The following EYS variants were observed in gnomAD, a reference collection of about 807,000 sequenced individuals.
EYS encodes EGF-like photoreceptor maintenance factor.
EYS carries 250 observed loss-of-function variants against 282.1 expected under a neutral mutation model. The observed-to-expected ratio is 0.89, with a 90% CI of 0.80 to 0.98. EYS has a LOEUF of 0.98. EYS is among the 50% of genes least tolerant of loss of function. The pLI is 0.00. For missense variants in EYS, 4,016 were observed against 3,709.0 expected, an observed-to-expected ratio of 1.08 and a Z score of -2.15; for synonymous variants, 1,355 against 1,282.9, an observed-to-expected ratio of 1.06 and a Z score of -1.20.
At chr6:65,108,907 C>T (rs1008702644) in intron 12 of EYS, among the ~76,000 whole-genome samples, 1 of 151,942 alleles carries the variant, frequency 6.6e-6, no homozygotes, top group African/African-American at 2.4e-5. Context: ...TGTTCTTCAC[C>T]TTGGGTGAAC....
At chr6:65,420,314 T>C (rs189683241) in intron 5 of EYS, among the ~76,000 whole-genome samples, 5 of 152,140 alleles carry the variant, frequency 3.3e-5, no homozygotes. Flanking sequence ...GTTCACAGCA[T>C]CCTCACCAGG....
In EYS at chr6:64,703,239, A is replaced by G. The variant is rs142763720; in HGVS notation, c.3444-76994T>C. Among the ~76,000 whole-genome samples, 827 of 151,738 alleles carry G rather than the reference A, an allele frequency of 5.5e-3. 4 individuals are homozygous for G. Among genetic ancestry groups the G allele is most frequent in the Non-Finnish European group, 7.3e-3 (493 of 67,908 alleles). On this transcript the variant is annotated intron_variant, in intron 22 of 42. Coordinates refer to ENST00000503581, the MANE Select transcript of EYS (RefSeq NM_001142800.2). Reference sequence around the variant, plus strand: ...CCTTGTCTAATTGATGGTGATACATATAAACATAGCTAAATGTTATCTTAT... The same window carrying G: ...CCTTGTCTAATTGATGGTGATACATGTAAACATAGCTAAATGTTATCTTAT...
chr6:65,293,124 C>A (rs1050692523), intron 12 of EYS, among the ~76,000 whole-genome samples: 19 of 151,248 alleles, frequency 1.3e-4, no homozygotes, highest in African/African-American at 4.4e-4. Context: ...TCAAGACAAT[C>A]ATAAGAAAAG....
intron 31 of EYS, among the ~76,000 whole-genome samples, chr6:64,150,736 C>G (rs1774674207): frequency 6.6e-6 from 1 of 152,076 alleles, no homozygotes; most frequent in African/African-American, 2.4e-5. Flanking sequence ...TAGCTCATGC[C>G]TATAACATCA....
intron 22 of EYS, among the ~76,000 whole-genome samples, chr6:64,632,317 A>AT (rs11415052): frequency 0.95 from 144,668 of 152,120 alleles, 69,195 homozygotes; most frequent in East Asian, 1. Context: ...GCAAAAAATT[A>AT]AAGTATATAT....
At chr6:65,550,143 C>CTTTCTTTTTTTTTTTTTTTTTTTTT (rs1562254227) in intron 2 of EYS, among the ~76,000 whole-genome samples, 1 of 5,956 alleles carries the variant, frequency 1.7e-4, no homozygotes, top group Non-Finnish European at 2.5e-4. Context: ...TCTACTATAT[C>CTTTCTTTTTTTTTTTTTTTTTTTTT]TTTTTTTTTT....
chr6:64,230,294 C>T (rs1252333853), intron 31 of EYS, among the ~76,000 whole-genome samples: 2 of 152,032 alleles, frequency 1.3e-5, no homozygotes, highest in African/African-American at 4.8e-5. Context: ...AGGAAAGATT[C>T]ACCATAATTT....
At chr6:65,406,634 C>G (rs1406488639) in intron 5 of EYS, among the ~76,000 whole-genome samples, 1 of 152,034 alleles carries the variant, frequency 6.6e-6, no homozygotes, top group African/African-American at 2.4e-5. Flanking sequence ...TTCACATATA[C>G]ACATACAATT....
intron 2 of EYS, among the ~76,000 whole-genome samples, chr6:65,523,568 C>T (rs1045361430): frequency 6.6e-6 from 1 of 152,036 alleles, no homozygotes; most frequent in Admixed American, 6.6e-5. Flanking sequence ...CACAAAGTTG[C>T]AGCTATGTAG....
intron 12 of EYS, among the ~76,000 whole-genome samples, chr6:65,282,639 T>G (rs1041644743): frequency 6.6e-6 from 1 of 151,964 alleles, no homozygotes; most frequent in East Asian, 1.9e-4. Flanking sequence ...TTCCATACTT[T>G]CTGGGGCCGA....
At chr6:65,486,299 T>A (rs1765780649) in intron 5 of EYS, among the ~76,000 whole-genome samples, 1 of 152,206 alleles carries the variant, frequency 6.6e-6, no homozygotes, top group Non-Finnish European at 1.5e-5. Flanking sequence ...TAATGTGCTT[T>A]TTTTCTTGCT....
chr6:64,598,429 C>T (rs536719651), intron 24 of EYS, among the ~76,000 whole-genome samples: 58 of 152,330 alleles, frequency 3.8e-4, no homozygotes, highest in Admixed American at 3.1e-3. Context: ...CCACTGCACT[C>T]CAGGCTGGGC....
intron 29 of EYS, among the ~76,000 whole-genome samples, chr6:64,386,501 C>T (rs1251857939): frequency 6.6e-6 from 1 of 152,082 alleles, no homozygotes; most frequent in East Asian, 1.9e-4. Context: ...ACAGAACTAC[C>T]CTCATGATTC....
At chr6:65,692,239 G>A (rs1207704582) in intron 1 of EYS, among the ~76,000 whole-genome samples, 2 of 150,056 alleles carry the variant, frequency 1.3e-5, no homozygotes, top group African/African-American at 4.9e-5. Context: ...ATAGAGCGTG[G>A]AATAATAGGC....
chr6:64,873,123 T>A (rs1766644855), intron 19 of EYS, among the ~76,000 whole-genome samples: 1 of 151,832 alleles, frequency 6.6e-6, no homozygotes, highest in Admixed American at 6.6e-5. Flanking sequence ...AGGTAAGAGG[T>A]TTATAGGACT....
intron 28 of EYS, among the ~76,000 whole-genome samples, chr6:64,415,469 G>A (rs1402255427): frequency 6.6e-6 from 1 of 152,080 alleles, no homozygotes; most frequent in Non-Finnish European, 1.5e-5. Context: ...TGTCATCATG[G>A]TTTACATTCT....
intron 22 of EYS, among the ~76,000 whole-genome samples, chr6:64,667,685 A>G (rs1176049719): frequency 3.9e-5 from 6 of 152,132 alleles, no homozygotes; most frequent in Non-Finnish European, 7.3e-5. Context: ...TCCAGCACCC[A>G]TAAAACATTA....
At chr6:65,079,486 C>T (rs759275265) in intron 12 of EYS, among the ~76,000 whole-genome samples, 4 of 151,656 alleles carry the variant, frequency 2.6e-5, no homozygotes, top group Non-Finnish European at 5.9e-5. Context: ...AATTAAGATG[C>T]CCTGTAAATA....
intron 40 of EYS, among the ~76,000 whole-genome samples, chr6:63,776,243 T>A (rs1014158088): frequency 1.3e-5 from 2 of 152,186 alleles, no homozygotes; most frequent in Non-Finnish European, 2.9e-5. Flanking sequence ...CGTTATTTTT[T>A]AAAATTAAGA....
Sources: gnomAD v4.1 joint callset for allele counts (sites outside exome capture counted in the v4.1 genomes callset) on GRCh38, gnomAD v4.1.1 for gene constraint, MANE v1.5 for transcripts, NCBI Gene and HGNC (gene_info 2026-07-23, HGNC 2026-07-21) for gene names.